The following HTR1E variants were observed in gnomAD, a reference collection of about 807,000 sequenced individuals.
HTR1E encodes the protein 5-hydroxytryptamine receptor 1E.
HTR1E carries 3 observed loss-of-function variants against 3.4 expected under a neutral mutation model. The observed-to-expected ratio is 0.89, with a 90% CI of 0.41 to 2.31. HTR1E has a LOEUF of 2.31. HTR1E is among the 30% of genes most tolerant of loss of function. The pLI is 0.05. For synonymous variants in HTR1E, 170 were observed against 182.8 expected, an observed-to-expected ratio of 0.93 and a Z score of 0.56; for missense variants, 392 against 467.0, an observed-to-expected ratio of 0.84 and a Z score of 1.48.
chr6:86,950,481 C>A (rs1204131110), intron 1 of HTR1E, among the ~76,000 whole-genome samples: 1 of 152,154 alleles, frequency 6.6e-6, no homozygotes, highest in African/African-American at 2.4e-5. Context: ...CAAAGCCCTG[C>A]CACTTCTAGG....
At chr6:86,976,146 G>A (rs188828883) in intron 1 of HTR1E, among the ~76,000 whole-genome samples, 135 of 152,200 alleles carry the variant, frequency 8.9e-4, no homozygotes, top group African/African-American at 3.2e-3. Flanking sequence ...AGAGGTTATG[G>A]AAAACAGGAG....
rs1767305597 is a variant in HTR1E, at chr6:86,955,341, G to C, written c.-186+17518G>C. Among the ~76,000 whole-genome samples, 2 of 151,850 alleles carry C rather than the reference G, an allele frequency of 1.3e-5. 1 individual carries two copies. On this transcript the variant is annotated intron_variant, in intron 1 of 1. Transcript: ENST00000305344. Reference sequence around the variant, plus strand: ...AGATCAAATGAGACGCCTGCATGCGGTAGCACCTTAAAAACGTTAGAATGC... The same window carrying C: ...AGATCAAATGAGACGCCTGCATGCGCTAGCACCTTAAAAACGTTAGAATGC...
rs752188263 is a variant in HTR1E, at chr6:87,016,482, TG to T, written c.*55del. On this transcript the variant is annotated 3_prime_UTR_variant, in exon 2 of 2. Coordinates refer to ENST00000305344, the MANE Select transcript of HTR1E (RefSeq NM_000865.3). The stretch of plus-strand genomic sequence containing the variant: ...CTTTTTCCAGAGCCTCATGAGTGGA[TG>T]GGGGTAAGGGGTGCAACTTATTAAT... The T allele has an allele frequency of 3.0e-5, 45 of 1,497,884 alleles. No homozygotes were observed. Among genetic ancestry groups the T allele is most frequent in the Non-Finnish European group, 3.4e-5 (38 of 1,106,224 alleles). 92.8% of individuals were successfully genotyped at this position (1,497,884 alleles called of 1,614,324 possible). A position where few individuals can be genotyped will look rare whatever the true frequency, so the allele number is the denominator to read the frequency against.
intron 1 of HTR1E, among the ~76,000 whole-genome samples, chr6:86,960,291 T>G (rs1270350985): frequency 6.6e-6 from 1 of 152,080 alleles, no homozygotes; most frequent in African/African-American, 2.4e-5. Flanking sequence ...TTGGCGGAAG[T>G]GCAGAAAAGA....
At chr6:86,941,558 G>GTA (rs1736643075) in intron 1 of HTR1E, among the ~76,000 whole-genome samples, 1 of 152,104 alleles carries the variant, frequency 6.6e-6, no homozygotes, top group African/African-American at 2.4e-5. Context: ...TGCAGTTGTA[G>GTA]GATTAGGAAG....
At chr6:87,010,053 C>CG (rs1307897065) in intron 1 of HTR1E, among the ~76,000 whole-genome samples, 1 of 123,194 alleles carries the variant, frequency 8.1e-6, no homozygotes, top group East Asian at 2.9e-4. Flanking sequence ...GCTGGCCAGG[C>CG]GGGGGGCTGA....
intron 1 of HTR1E, among the ~76,000 whole-genome samples, chr6:86,945,535 G>A (rs1220660396): frequency 6.6e-6 from 1 of 151,514 alleles, no homozygotes; most frequent in Non-Finnish European, 1.5e-5. Flanking sequence ...GAGTATCTTA[G>A]TTTTTAACAA....
In HTR1E at chr6:86,965,346, A is replaced by G. The variant is rs1347821578; in HGVS notation, c.-186+27523A>G. Among the ~76,000 whole-genome samples, 6 of 152,318 alleles carry G rather than the reference A, an allele frequency of 3.9e-5. No individual in the cohort carries two copies. In the East Asian group the frequency reaches 7.7e-4, roughly 20 times the overall value. ...CGACTTTCTATGAGTTCCAGTTCAGAGGTTCTCAATGATTCTCAACTGAGA... is the reference window on the plus strand; with the variant it reads ...CGACTTTCTATGAGTTCCAGTTCAGGGGTTCTCAATGATTCTCAACTGAGA... On this transcript the variant is annotated intron_variant, in intron 1 of 1. Transcript: ENST00000305344.
chr6:87,010,350 T>C (rs1768196825), intron 1 of HTR1E, among the ~76,000 whole-genome samples: 2 of 107,204 alleles, frequency 1.9e-5, no homozygotes, highest in Admixed American at 9.6e-5. Context: ...ACGGGGCGGC[T>C]GGCCGGGCGG....
intron 1 of HTR1E, among the ~76,000 whole-genome samples, chr6:86,963,755 G>A (rs1767438860): frequency 6.6e-6 from 1 of 152,136 alleles, no homozygotes; most frequent in Admixed American, 6.5e-5. Flanking sequence ...GGAGCAATAG[G>A]CTATATCACA....
intron 1 of HTR1E, among the ~76,000 whole-genome samples, chr6:86,981,197 T>C (rs117721474): frequency 0.048 from 7,282 of 152,298 alleles, 193 homozygotes; most frequent in Middle Eastern, 0.071. Context: ...CTGATCAGCA[T>C]AGCTAATGGG....
chr6:86,944,253 C>T (rs1430626104), intron 1 of HTR1E, among the ~76,000 whole-genome samples: 1 of 152,140 alleles, frequency 6.6e-6, no homozygotes, highest in African/African-American at 2.4e-5. Flanking sequence ...TCATTAGAGA[C>T]AAGTCACTAG....
intron 1 of HTR1E, among the ~76,000 whole-genome samples, chr6:86,944,570 G>T (rs1448166406): frequency 6.6e-6 from 1 of 152,188 alleles, no homozygotes; most frequent in Admixed American, 6.5e-5. Flanking sequence ...GCAAATCAAT[G>T]ATTAAGAGAT....
chr6:87,006,377 AC>A (rs1768107970), intron 1 of HTR1E, among the ~76,000 whole-genome samples: 1 of 152,236 alleles, frequency 6.6e-6, no homozygotes. Context: ...GCAAAGAGAT[AC>A]CATCTCACAC....
At chr6:86,941,393 A>C (rs946870413) in intron 1 of HTR1E, among the ~76,000 whole-genome samples, 2 of 152,206 alleles carry the variant, frequency 1.3e-5, no homozygotes, top group Non-Finnish European at 2.9e-5. Flanking sequence ...TGTCTCATGC[A>C]CTGTGGATTA....
chr6:86,959,122 A>G (rs1318840176), intron 1 of HTR1E, among the ~76,000 whole-genome samples: 1 of 152,152 alleles, frequency 6.6e-6, no homozygotes, highest in Non-Finnish European at 1.5e-5. Context: ...AAGACGGTCT[A>G]GAGGCAGAAT....
At position 86,995,527 on chromosome 6, in the gene HTR1E, G is replaced by A. The variant is rs185151930; in HGVS notation, c.-185-19623G>A. Among the ~76,000 whole-genome samples, 1,412 of 150,562 alleles carry A rather than the reference G, an allele frequency of 9.4e-3. 19 individuals carry two copies. The highest frequency in any genetic ancestry group is 0.031 in the African/African-American group (1,278 of 41,182). On this transcript the variant is annotated intron_variant, in intron 1 of 1. Coordinates refer to ENST00000305344, the MANE Select transcript of HTR1E (RefSeq NM_000865.3). The stretch of plus-strand genomic sequence containing the variant: ...CTAAAAATACAAAAATTAGCCAGGC[G>A]TGGTGACAGGCACCTGTAATCCCAG...
chr6:86,964,893 A>C (rs1767453910), intron 1 of HTR1E, among the ~76,000 whole-genome samples: 1 of 152,236 alleles, frequency 6.6e-6, no homozygotes, highest in African/African-American at 2.4e-5. Flanking sequence ...GAAACAACAT[A>C]GTACTAGTAA....
chr6:86,997,027 G>A (rs79492435), intron 1 of HTR1E, among the ~76,000 whole-genome samples: 7,265 of 151,864 alleles, frequency 0.048, 197 homozygotes, highest in Middle Eastern at 0.072. Context: ...ACAAACAAGC[G>A]AGATTTATTC....
Sources: allele counts gnomAD v4.1 joint callset (sites outside exome capture counted in the v4.1 genomes callset), GRCh38; gene constraint gnomAD v4.1.1; transcripts MANE v1.5; gene names NCBI Gene and HGNC (gene_info 2026-07-23, HGNC 2026-07-21).